The following SHISA6 variants were observed in gnomAD, a reference collection of about 807,000 sequenced individuals.
SHISA6 encodes shisa family member 6.
SHISA6 carries 22 observed loss-of-function variants against 47.9 expected under a neutral mutation model. The ratio of observed to expected loss-of-function variants is 0.46; its 90% CI spans 0.33 to 0.66. The LOEUF (loss-of-function observed/expected upper bound fraction) is 0.66. SHISA6 is among the 30% of genes least tolerant of loss of function. The probability of loss-of-function intolerance (pLI) is 0.02; values close to 1 mark genes in which losing one functional copy is unlikely to be tolerated. For missense variants in SHISA6, 680 were observed against 764.6 expected (o/e 0.89, Z 1.30); for synonymous variants, 388 against 337.8 (o/e 1.15, Z -1.63).
intron 3 of SHISA6, among the ~76,000 whole-genome samples, chr17:11,469,733 C>T (rs1203242263): frequency 6.6e-6 from 1 of 152,168 alleles, no homozygotes; most frequent in African/African-American, 2.4e-5. Flanking sequence ...AGCTCCAGCT[C>T]CAGACTGGAG....
At chr17:11,469,782 G>C (rs1915894983) in intron 3 of SHISA6, among the ~76,000 whole-genome samples, 1 of 152,184 alleles carries the variant, frequency 6.6e-6, no homozygotes, top group Admixed American at 6.5e-5. Flanking sequence ...TGGCTTCCCA[G>C]CTGGCCTCAG....
At chr17:11,523,862 CG>C (rs2071652521) in intron 3 of SHISA6, among the ~76,000 whole-genome samples, 1 of 151,822 alleles carries the variant, frequency 6.6e-6, no homozygotes, top group Non-Finnish European at 1.5e-5. Context: ...AAAAATTAGC[CG>C]GGCATGGTGG....
intron 3 of SHISA6, among the ~76,000 whole-genome samples, chr17:11,402,654 A>G (rs1389060759): frequency 2.0e-5 from 3 of 152,242 alleles, no homozygotes; most frequent in Non-Finnish European, 4.4e-5. Context: ...TGTGACATCC[A>G]TGTGTATGTC....
chr17:11,251,729 A>G (rs1907818407), intron 1 of SHISA6, among the ~76,000 whole-genome samples: 1 of 151,922 alleles, frequency 6.6e-6, no homozygotes, highest in Non-Finnish European at 1.5e-5. Context: ...CCCTGTTTGT[A>G]CCCTGGTGGC....
rs150191229 is a variant in SHISA6 at position 11,430,375 on chromosome 17, C to A, written c.895+50866C>A. ...GTTTTACCGCAAGACCCTTAAGAGG[C>A]CCCTGGCATGGCACCAGCAAAGTTT... On this transcript the variant is annotated intron_variant, in intron 3 of 5. Coordinates refer to ENST00000441885, the MANE Select transcript of SHISA6 (RefSeq NM_207386.4). Among the ~76,000 whole-genome samples, 1,202 of 152,248 alleles carry A rather than the reference C, an allele frequency of 7.9e-3. 23 individuals are homozygous for A. The highest frequency in any genetic ancestry group is 0.027 in the African/African-American group (1,133 of 41,530).
chr17:11,509,002 C>A (rs1416460027), intron 3 of SHISA6, among the ~76,000 whole-genome samples: 1 of 152,118 alleles, frequency 6.6e-6, no homozygotes, highest in African/African-American at 2.4e-5. Context: ...GAGCTTGTAT[C>A]TGAGTGACAT....
chr17:11,460,812 A>G (rs554882928), intron 3 of SHISA6, among the ~76,000 whole-genome samples: 2 of 152,348 alleles, frequency 1.3e-5, no homozygotes, highest in East Asian at 1.9e-4. Context: ...ACATCCCTCA[A>G]CATGGGTCCT....
intron 2 of SHISA6, among the ~76,000 whole-genome samples, chr17:11,350,583 G>A (rs1051058825): frequency 6.6e-6 from 1 of 151,942 alleles, no homozygotes; most frequent in African/African-American, 2.4e-5. Context: ...TTACATCTCA[G>A]TTCTATCCCC....
At chr17:11,544,069 T>C (rs2071859444) in intron 3 of SHISA6, among the ~76,000 whole-genome samples, 1 of 148,914 alleles carries the variant, frequency 6.7e-6, no homozygotes, top group Non-Finnish European at 1.5e-5. Context: ...AAAAATTAAC[T>C]CAAAATAGAT....
intron 2 of SHISA6, among the ~76,000 whole-genome samples, chr17:11,285,018 G>A (rs551648020): frequency 6.6e-5 from 10 of 152,260 alleles, no homozygotes; most frequent in East Asian, 1.9e-4. Flanking sequence ...TGCTAAACAC[G>A]GGCCATCTTG....
intron 2 of SHISA6, among the ~76,000 whole-genome samples, chr17:11,343,113 C>T (rs765609013): frequency 6.6e-6 from 1 of 152,112 alleles, no homozygotes; most frequent in Admixed American, 6.6e-5. Context: ...CTTCTTTCCC[C>T]CTATAAGTTA....
chr17:11,445,049 A>C (rs1781200162), intron 3 of SHISA6, among the ~76,000 whole-genome samples: 3 of 152,228 alleles, frequency 2.0e-5, no homozygotes, highest in African/African-American at 7.2e-5. Flanking sequence ...GTGACTTTTA[A>C]AAGATGGCCT....
intron 2 of SHISA6, among the ~76,000 whole-genome samples, chr17:11,272,347 G>A (rs531793807): frequency 6.6e-5 from 10 of 152,202 alleles, no homozygotes; most frequent in South Asian, 4.2e-4. Flanking sequence ...AGGCTCCCGC[G>A]TGGCTCTCAC....
intron 3 of SHISA6, among the ~76,000 whole-genome samples, chr17:11,418,680 A>C (rs1914358031): frequency 6.6e-6 from 1 of 152,214 alleles, no homozygotes; most frequent in African/African-American, 2.4e-5. Context: ...GCATTGGCGT[A>C]AGCATATTCC....
At chr17:11,333,524 T>C (rs1162818473) in intron 2 of SHISA6, among the ~76,000 whole-genome samples, 2 of 152,062 alleles carry the variant, frequency 1.3e-5, no homozygotes, top group Non-Finnish European at 2.9e-5. Flanking sequence ...TTATTTTTAT[T>C]TTTATTTTGA....
chr17:11,337,080 C>T (rs1206474324), intron 2 of SHISA6, among the ~76,000 whole-genome samples: 2 of 152,138 alleles, frequency 1.3e-5, no homozygotes, highest in Non-Finnish European at 2.9e-5. Context: ...AGCCCTACAT[C>T]TTCCTTAGGA....
intron 3 of SHISA6, among the ~76,000 whole-genome samples, chr17:11,515,437 CG>C (rs1373418998): frequency 7.9e-5 from 12 of 151,558 alleles, no homozygotes; most frequent in Non-Finnish European, 1.8e-4. Flanking sequence ...TTTCCTGTCT[CG>C]GGTCGGGTTT....
At chr17:11,507,172 T>C (rs1439082988) in intron 3 of SHISA6, among the ~76,000 whole-genome samples, 1 of 152,234 alleles carries the variant, frequency 6.6e-6, no homozygotes, top group Non-Finnish European at 1.5e-5. Flanking sequence ...AACTAATGTG[T>C]ATAAAATGCC....
intron 3 of SHISA6, among the ~76,000 whole-genome samples, chr17:11,383,842 T>A (rs1039794020): frequency 6.6e-6 from 1 of 152,068 alleles, no homozygotes; most frequent in East Asian, 1.9e-4. Context: ...TTAGGCCAAG[T>A]TCCCCCTGAA....
Sources: allele counts gnomAD v4.1 joint callset (sites outside exome capture counted in the v4.1 genomes callset), GRCh38; gene constraint gnomAD v4.1.1; transcripts MANE v1.5; gene names NCBI Gene and HGNC (gene_info 2026-07-23, HGNC 2026-07-21).